ADH1B: variants seen among roughly 807,000 people sequenced by gnomAD.
ADH1B encodes the protein all-trans-retinol dehydrogenase [NAD(+)] ADH1B.
A neutral mutation model predicts 34.6 loss-of-function variants in ADH1B; 29 were observed. That is an observed-to-expected ratio of 0.84 (90% CI 0.62 to 1.14). ADH1B has a LOEUF of 1.14. Ranked by LOEUF, ADH1B falls within the 50% of genes most tolerant of loss-of-function variation. The pLI is 0.00. For missense variants in ADH1B, 424 were observed against 468.4 expected (o/e 0.91, Z 0.87); for synonymous variants, 170 against 175.5 (o/e 0.97, Z 0.25).
At chr4:99,308,695 T>C (rs1272232999) in intron 8 of ADH1B, among the ~76,000 whole-genome samples, 2 of 152,024 alleles carry the variant, frequency 1.3e-5, no homozygotes, top group Non-Finnish European at 2.9e-5. Flanking sequence ...TATATGTATA[T>C]GCATATGCAT....
Position 99,313,804 on chromosome 4 carries a change from C to T in ADH1B, c.828+17G>A, listed in dbSNP as rs777623976. On this transcript the variant is annotated intron_variant, in intron 6 of 8. Transcript: ENST00000305046. ...GGTTGCAGAGGCAGAAATCTCAGGG[C>T]ATGTCATGGTACATACCATGGTGTC... 1.5e-5 allele frequency: 24 copies of T among 1,613,898 alleles called. No homozygotes were observed. In the South Asian group the frequency reaches 2.2e-4, roughly 15 times the overall value.
chr4:99,319,167 T>A, intron 1 of ADH1B: 2 of 469,774 alleles, frequency 4.3e-6, no homozygotes, highest in Non-Finnish European at 7.8e-6. Flanking sequence ...AGGTGTTTAT[T>A]CCTGGTATTT....
Position 99,305,568 on chromosome 4 carries a change from T to TGC in ADH1B, c.*2271_*2272insGC. Reference sequence around the variant, plus strand: ...AACCACTTGCCCCATAGTGTATATATATATATATATATATATATATATATA... The same window carrying TGC: ...AACCACTTGCCCCATAGTGTATATATGCATATATATATATATATATATATATA... On this transcript the variant is annotated 3_prime_UTR_variant, in exon 9 of 9. Coordinates refer to ENST00000305046, the MANE Select transcript of ADH1B (RefSeq NM_000668.6). 1.0e-4 allele frequency: 3 copies of TGC among 28,978 alleles called. No individual in the cohort carries two copies. Among genetic ancestry groups the TGC allele is most frequent in the African/African-American group, 3.8e-4 (3 of 7,938 alleles). 1.8% of individuals were successfully genotyped at this position (28,978 alleles called of 1,614,324 possible). A position where few individuals can be genotyped will look rare whatever the true frequency, so the allele number is the denominator to read the frequency against.
At chr4:99,319,376 A>G (rs1733964957) in intron 1 of ADH1B, 1 of 159,500 alleles carries the variant, frequency 6.3e-6, no homozygotes, top group African/African-American at 2.4e-5. Flanking sequence ...GCACAATGAC[A>G]TTTCTTTCTC....
At position 99,307,999 on chromosome 4, in the gene ADH1B, C is replaced by A. The variant is rs1319295573; in HGVS notation, c.1104-135G>T. 8 of 1,152,626 alleles carry A rather than the reference C, an allele frequency of 6.9e-6. No individual in the cohort carries two copies. The Admixed American group carries it at 8.0e-5, about 12-fold the overall frequency. The allele number at this position is 1,152,626 out of a possible 1,614,324, so 71.4% of individuals were successfully genotyped here. On this transcript the variant is annotated intron_variant, in intron 8 of 8. Coordinates refer to ENST00000305046, the MANE Select transcript of ADH1B (RefSeq NM_000668.6). ...CAGCTACCCTATTTCCATCCCCATA[C>A]ATTTGGTTCAAGAAAAAGGAAGTTC...
At chr4:99,319,054 A>T in intron 1 of ADH1B, 168 bp from the exon 2 acceptor site, 1 of 816,176 alleles carries the variant, frequency 1.2e-6, no homozygotes, top group Non-Finnish European at 2.2e-6. Context: ...AGTATCTTTT[A>T]AAAAGCAATA....
At chr4:99,314,886 A>C (rs1316481224) in intron 5 of ADH1B, 4 of 152,228 alleles carry the variant, frequency 2.6e-5, no homozygotes, top group Non-Finnish European at 5.9e-5. Context: ...GGGGCTATTT[A>C]TTAAACCTAG....
At position 99,318,094 on chromosome 4, in the gene ADH1B, C is replaced by T; in HGVS notation, c.211G>A (p.Ala71Thr). Residue 71 changes from alanine (A) to threonine (T), a missense_variant, in exon 3 of 9, where the codon GCC (alanine) becomes ACC (threonine). Physicochemically the swap from Ala to Thr is moderately conservative, Grantham distance 58. This residue lies in a region of ADH1B where 291 missense variants were observed against 300.4 expected (regional missense o/e 0.97). Transcript: ENST00000305046. ...TCTCCAACACTCTCCACGATGCCGG[C>T]TGCCTCATGGCCTAAAATCACAGGA... Reference protein sequence around the residue: ...PLPVILGHEAAGIVESVGEGV... With the variant: ...PLPVILGHEATGIVESVGEGV... The T allele has an allele frequency of 6.2e-7, 1 of 1,614,118 alleles. No individual in the cohort carries two copies. Among genetic ancestry groups the T allele is most frequent in the East Asian group, 2.2e-5 (1 of 44,868 alleles).
chr4:99,315,729 T>C (rs763759299), intron 5 of ADH1B, 169 bp downstream of exon 5: 58 of 760,576 alleles, frequency 7.6e-5, no homozygotes, highest in Non-Finnish European at 1.2e-4. Context: ...CTGCAATAAA[T>C]TGGTGAAATT....
At chr4:99,319,010 G>T in intron 1 of ADH1B, 124 bp from the exon 2 acceptor site, 1 of 997,296 alleles carries the variant, frequency 1.0e-6, no homozygotes, top group Non-Finnish European at 1.6e-6. Context: ...GTGCTCCATG[G>T]AAATGAAGTA....
At position 99,313,969 on chromosome 4, in the gene ADH1B, T is replaced by G; in HGVS notation, c.680A>C (p.Lys227Thr). The change falls in exon 6 of 9, where the codon AAG (lysine) becomes ACG (threonine). Residue 227 changes from lysine (K) to threonine (T), a missense_variant. Transcript: ENST00000305046. Reference sequence around the variant, plus strand: ...CTCTTTGGCCTTTGCAAATTTGTCCTTGTTGATGTCCACCGCAATGATTCT... The same window carrying G: ...CTCTTTGGCCTTTGCAAATTTGTCCGTGTTGATGTCCACCGCAATGATTCT... ...AARIIAVDIN[K>T]DKFAKAKELG... is the part of the protein sequence containing the mutation. 1 of 1,614,220 alleles carries G rather than the reference T, an allele frequency of 6.2e-7. No individual in the cohort carries two copies. The highest frequency in any genetic ancestry group is 8.5e-7 in the Non-Finnish European group (1 of 1,180,040).
At chr4:99,311,441 C>A in intron 7 of ADH1B, 80 bp downstream of exon 7, 1 of 1,454,264 alleles carries the variant, frequency 6.9e-7, no homozygotes, top group Non-Finnish European at 9.3e-7. Flanking sequence ...TGTAAAAGGG[C>A]ATATATATTG....
chr4:99,308,070 T>C (rs1007968657), intron 8 of ADH1B, among the ~76,000 whole-genome samples: 2 of 152,112 alleles, frequency 1.3e-5, no homozygotes, highest in African/African-American at 2.4e-5. Flanking sequence ...CCAATCTTAA[T>C]CTCACTCACA....
At chr4:99,310,687 T>C (rs2110630573) in intron 8 of ADH1B, 78 bp downstream of exon 8, 1 of 1,530,316 alleles carries the variant, frequency 6.5e-7, no homozygotes, top group South Asian at 1.3e-5. Flanking sequence ...TTCTCATCTT[T>C]CCACCTTTTT....
At chr4:99,313,782 T>A in intron 6 of ADH1B, 39 bp downstream of exon 6, 1 of 1,613,998 alleles carries the variant, frequency 6.2e-7, no homozygotes, top group Non-Finnish European at 8.5e-7. Context: ...TCTTCCAGGT[T>A]GCAGAGGCAG....
intron 6 of ADH1B, among the ~76,000 whole-genome samples, chr4:99,312,434 G>C (rs1240051010): frequency 6.6e-6 from 1 of 152,152 alleles, no homozygotes; most frequent in Admixed American, 6.5e-5. Context: ...CCTAGGTCAA[G>C]GCTGCCGAGA....
At chr4:99,315,021 A>G (rs1733843449) in intron 5 of ADH1B, 1 of 152,174 alleles carries the variant, frequency 6.6e-6, no homozygotes, top group Non-Finnish European at 1.5e-5. Flanking sequence ...ACTATGGGGG[A>G]CAACACCATT....
chr4:99,313,199 T>G (rs1360509996), intron 6 of ADH1B, among the ~76,000 whole-genome samples: 3 of 152,044 alleles, frequency 2.0e-5, no homozygotes, highest in Non-Finnish European at 2.9e-5. Flanking sequence ...ACCTGGCTAA[T>G]TTTTGTATTT....
intron 2 of ADH1B, chr4:99,318,420 C>T (rs1487167334): frequency 6.9e-6 from 4 of 578,574 alleles, no homozygotes; most frequent in Non-Finnish European, 1.2e-5. Flanking sequence ...ATAATTGATT[C>T]TGAAATATTT....
Sources: gnomAD v4.1 joint callset for allele counts (sites outside exome capture counted in the v4.1 genomes callset) on GRCh38, gnomAD v4.1.1 for gene constraint, gnomAD v4.1.1 regional missense constraint, MANE v1.5 for transcripts, NCBI Gene and HGNC (gene_info 2026-07-23, HGNC 2026-07-21) for gene names.